XPO4: variants seen among roughly 807,000 people sequenced by gnomAD.
XPO4 encodes exportin-4.
Under a neutral mutation model 143.0 loss-of-function variants are expected in XPO4, and 39 were observed. The observed-to-expected ratio is 0.27, with a 90% CI of 0.21 to 0.36. XPO4 has a LOEUF of 0.36. Ranked by LOEUF, XPO4 falls within the 10% of genes least tolerant of loss-of-function variation. The pLI is 1.00. For synonymous variants in XPO4, 439 were observed against 474.0 expected (o/e 0.93, Z 0.96); for missense variants, 907 against 1,348.0 (o/e 0.67, Z 5.12).
intron 1 of XPO4, among the ~76,000 whole-genome samples, chr13:20,876,012 G>A (rs1004018193): frequency 2.6e-5 from 4 of 151,240 alleles, no homozygotes; most frequent in African/African-American, 4.9e-5. Flanking sequence ...CACTTTGGGA[G>A]GCCGAGGCAG....
At chr13:20,813,623 T>C (rs1213412791) in intron 9 of XPO4, among the ~76,000 whole-genome samples, 1 of 152,194 alleles carries the variant, frequency 6.6e-6, no homozygotes, top group Non-Finnish European at 1.5e-5. Context: ...AACATTTACA[T>C]ACTCTCTGAT....
chr13:20,872,244 C>A (rs1253919271), intron 1 of XPO4, among the ~76,000 whole-genome samples: 1 of 152,196 alleles, frequency 6.6e-6, no homozygotes, highest in Non-Finnish European at 1.5e-5. Context: ...AGTTACCCTT[C>A]AAAAATCTGC....
At chr13:20,813,555 G>GTAA (rs1279793681) in intron 9 of XPO4, among the ~76,000 whole-genome samples, 1 of 152,126 alleles carries the variant, frequency 6.6e-6, no homozygotes, top group Non-Finnish European at 1.5e-5. Context: ...TCACATACAC[G>GTAA]TAATACACTG....
At chr13:20,883,607 T>TA (rs1433620301) in intron 1 of XPO4, among the ~76,000 whole-genome samples, 1 of 152,160 alleles carries the variant, frequency 6.6e-6, no homozygotes, top group Non-Finnish European at 1.5e-5. Context: ...TTTCAGGGAT[T>TA]AGAGTATAAT....
At chr13:20,862,119 A>T (rs1198536534) in intron 3 of XPO4, among the ~76,000 whole-genome samples, 1 of 152,122 alleles carries the variant, frequency 6.6e-6, no homozygotes, top group East Asian at 1.9e-4. Context: ...ACATATATGT[A>T]ACATTTGATT....
At chr13:20,827,484 T>C (rs2059798839) in intron 6 of XPO4, among the ~76,000 whole-genome samples, 1 of 152,338 alleles carries the variant, frequency 6.6e-6, no homozygotes, top group East Asian at 1.9e-4. Context: ...ATACACTTAC[T>C]GCAAAGCATA....
At chr13:20,851,369 T>C in intron 4 of XPO4, 1 of 985,314 alleles carries the variant, frequency 1.0e-6, no homozygotes, top group Non-Finnish European at 1.2e-6. Context: ...TACTTCCCAC[T>C]GAAGTATACT....
At chr13:20,802,710 CTAATA>C (rs1375784357) in intron 13 of XPO4, among the ~76,000 whole-genome samples, 6 of 152,044 alleles carry the variant, frequency 3.9e-5, no homozygotes, top group African/African-American at 1.4e-4. Context: ...GAACATTATC[CTAATA>C]TAATTTTTAT....
At chr13:20,831,025 G>T (rs1346709604) in intron 6 of XPO4, among the ~76,000 whole-genome samples, 1 of 151,426 alleles carries the variant, frequency 6.6e-6, no homozygotes, top group Non-Finnish European at 1.5e-5. Flanking sequence ...TTTTTAATCA[G>T]GTATTCTCAA....
At chr13:20,824,652 C>T (rs912099915) in intron 7 of XPO4, among the ~76,000 whole-genome samples, 2 of 152,044 alleles carry the variant, frequency 1.3e-5, no homozygotes, top group African/African-American at 4.8e-5. Context: ...AGAGTTCCTC[C>T]ATATCTGAAC....
At position 20,856,750 on chromosome 13, in the gene XPO4, C is replaced by A. The variant is rs553637420; in HGVS notation, c.318-985G>T. The A allele has an allele frequency of 1.8e-5, 14 of 792,088 alleles. No homozygotes were observed. The East Asian group carries it at 1.4e-3, about 79-fold the overall frequency. 49.1% of individuals were successfully genotyped at this position (792,088 alleles called of 1,614,324 possible). On this transcript the variant is annotated intron_variant, in intron 3 of 22. Transcript: ENST00000255305. ...CTTGACTTCTGCCCTTCCACACACA[C>A]GCACAACTGCAGACATATTGACCTT...
intron 18 of XPO4, among the ~76,000 whole-genome samples, chr13:20,794,706 G>A (rs1282747302): frequency 6.6e-6 from 1 of 152,144 alleles, no homozygotes; most frequent in Non-Finnish European, 1.5e-5. Context: ...ACTCTAGCCT[G>A]GATGACAGAG....
intron 1 of XPO4, among the ~76,000 whole-genome samples, chr13:20,897,115 G>A (rs908848268): frequency 1.3e-5 from 2 of 152,006 alleles, no homozygotes; most frequent in African/African-American, 4.8e-5. Context: ...TAGTGCCACC[G>A]CAGGTACTAC....
At chr13:20,791,402 C>G (rs1325911307) in intron 18 of XPO4, among the ~76,000 whole-genome samples, 2 of 152,136 alleles carry the variant, frequency 1.3e-5, no homozygotes, top group East Asian at 3.8e-4. Context: ...GAAATTCAGA[C>G]AGCCTTGTCC....
At chr13:20,860,575 T>C (rs544027526) in intron 3 of XPO4, among the ~76,000 whole-genome samples, 14 of 152,334 alleles carry the variant, frequency 9.2e-5, no homozygotes, top group African/African-American at 2.6e-4. Context: ...CTTGCTGACA[T>C]TGTCAAGACC....
chr13:20,808,010 G>C (rs746701381), intron 12 of XPO4, among the ~76,000 whole-genome samples: 4 of 152,038 alleles, frequency 2.6e-5, no homozygotes, highest in African/African-American at 4.8e-5. Flanking sequence ...TTTAAAATAT[G>C]GAAACACTAA....
At chr13:20,843,928 T>C in intron 4 of XPO4, 42 bp from the exon 5 acceptor site, 1 of 1,439,908 alleles carries the variant, frequency 6.9e-7, no homozygotes, top group Non-Finnish European at 9.7e-7. Flanking sequence ...GCATTACTGT[T>C]TCAACGCTTT....
intron 7 of XPO4, among the ~76,000 whole-genome samples, chr13:20,826,776 T>C (rs145302215): frequency 3.7e-4 from 57 of 152,340 alleles, no homozygotes; most frequent in African/African-American, 1.3e-3. Context: ...ATATAACCTA[T>C]ATAAAGAAAA....
Position 20,821,838 on chromosome 13 carries a change from T to C in XPO4, c.1039A>G (p.Ile347Val). The change falls in exon 9 of 23, where the codon ATT becomes GTT. Residue 347 changes from isoleucine to valine, a missense_variant. Coordinates refer to ENST00000255305, the MANE Select transcript of XPO4 (RefSeq NM_022459.5). Reference sequence around the variant, plus strand: ...AACACGGTTATCAGGTTGCTGATAATGCTGGAGATCCCCACAGCTTCAGAA... The same window carrying C: ...AACACGGTTATCAGGTTGCTGATAACGCTGGAGATCCCCACAGCTTCAGAA... ...EDSEAVGISS[I>V]ISNLITVFPR... The C allele has an allele frequency of 6.2e-7, 1 of 1,614,014 alleles. No homozygotes were observed. The highest frequency in any genetic ancestry group is 8.5e-7 in the Non-Finnish European group (1 of 1,179,938).
Sources: allele counts gnomAD v4.1 joint callset (sites outside exome capture counted in the v4.1 genomes callset), GRCh38; gene constraint gnomAD v4.1.1; transcripts MANE v1.5; gene names NCBI Gene and HGNC (gene_info 2026-07-23, HGNC 2026-07-21).